Variants in DOCK3 observed in about 807,000 individuals in gnomAD.
The protein encoded by DOCK3 is dedicator of cytokinesis 3.
In DOCK3, 60 loss-of-function variants were observed where a neutral mutation model predicts 265.6. The ratio of observed to expected loss-of-function variants is 0.23; its 90% confidence interval spans 0.18 to 0.28. DOCK3 has a LOEUF of 0.28. Ranked by LOEUF, DOCK3 falls within the 10% of genes least tolerant of loss-of-function variation. DOCK3 has a pLI of 1.00. For missense variants in DOCK3, 1,981 were observed against 2,594.3 expected (o/e 0.76, Z 5.14); for synonymous variants, 881 against 938.0 (o/e 0.94, Z 1.11).
chr3:50,845,500 A>G (rs2046037567), intron 3 of DOCK3, among the ~76,000 whole-genome samples: 1 of 152,154 alleles, frequency 6.6e-6, no homozygotes, highest in South Asian at 2.1e-4. Context: ...ATATTCATGG[A>G]ATAGTAAATA....
chr3:51,228,275 G>A (rs1373954656), intron 17 of DOCK3, among the ~76,000 whole-genome samples, 187 bp downstream of exon 17: 1 of 152,230 alleles, frequency 6.6e-6, no homozygotes, highest in Non-Finnish European at 1.5e-5. Flanking sequence ...CCTCCCACAA[G>A]TAACGCCAAC....
intron 32 of DOCK3, among the ~76,000 whole-genome samples, chr3:51,328,337 G>A (rs1030132564): frequency 6.6e-6 from 1 of 152,034 alleles, no homozygotes; most frequent in African/African-American, 2.4e-5. Context: ...AATCAGGCCC[G>A]TCTCTTGGGG....
chr3:51,364,940 T>G (rs923384903), intron 49 of DOCK3, among the ~76,000 whole-genome samples: 5 of 152,380 alleles, frequency 3.3e-5, no homozygotes, highest in South Asian at 2.1e-4. Context: ...TTGTTCTTTT[T>G]GCTTAGGATT....
At chr3:51,102,014 A>G (rs1418187786) in intron 9 of DOCK3, among the ~76,000 whole-genome samples, 4 of 152,246 alleles carry the variant, frequency 2.6e-5, no homozygotes, top group Admixed American at 1.3e-4. Flanking sequence ...ACTTCTTTTA[A>G]AAAGTTTTGT....
chr3:51,192,080 C>A (rs529336312), intron 12 of DOCK3, among the ~76,000 whole-genome samples: 12 of 151,076 alleles, frequency 7.9e-5, no homozygotes, highest in Non-Finnish European at 1.6e-4. Context: ...TGTGCAGAAG[C>A]TTTTTAGTTT....
intron 23 of DOCK3, among the ~76,000 whole-genome samples, chr3:51,263,952 C>A (rs963541987): frequency 1.3e-5 from 2 of 152,076 alleles, no homozygotes; most frequent in Non-Finnish European, 2.9e-5. Flanking sequence ...ACTTAGACTC[C>A]CACAGAATAA....
intron 4 of DOCK3, among the ~76,000 whole-genome samples, chr3:50,908,197 C>CTTT (rs550837883): frequency 4.9e-4 from 56 of 114,430 alleles, no homozygotes; most frequent in Admixed American, 1.5e-3. Flanking sequence ...TTTTGAAGGG[C>CTTT]TTTTTTTTTT....
chr3:51,159,310 G>A lies in DOCK3; in HGVS notation c.889+6G>A. 6.2e-7 allele frequency: 1 copy of A among 1,610,828 alleles called. No individual in the cohort carries two copies. The highest frequency in any genetic ancestry group is 8.5e-7 in the Non-Finnish European group (1 of 1,177,914). ...TGCCCATGTGATCCGAATAGGTACT[G>A]TTCACCTTACCCATTCACATGACTA... On this transcript the variant is annotated splice_donor_region_variant and intron_variant, in intron 11 of 52. Transcript: ENST00000266037.
At chr3:51,288,427 G>A (rs2081535107) in intron 27 of DOCK3, among the ~76,000 whole-genome samples, 1 of 150,096 alleles carries the variant, frequency 6.7e-6, no homozygotes, top group Admixed American at 6.6e-5. Context: ...GAGAACAACA[G>A]ACATCAGGGC....
intron 2 of DOCK3, among the ~76,000 whole-genome samples, chr3:50,804,564 C>T (rs899911779): frequency 1.3e-5 from 2 of 152,142 alleles, no homozygotes; most frequent in African/African-American, 2.4e-5. Context: ...CGGCGAAACC[C>T]CATCTCCACC....
chr3:51,042,465 ACATACTGAATGGGCACCAT>A (rs1247729901), intron 5 of DOCK3, among the ~76,000 whole-genome samples: 1 of 152,158 alleles, frequency 6.6e-6, no homozygotes, highest in East Asian at 1.9e-4. Context: ...TGACAAACCC[ACATACTGAATGGGCACCAT>A]CATACTGAAT....
intron 2 of DOCK3, among the ~76,000 whole-genome samples, chr3:50,788,558 G>A (rs888284716): frequency 3.9e-5 from 6 of 152,164 alleles, no homozygotes; most frequent in African/African-American, 7.2e-5. Context: ...CACCTCCACC[G>A]CCTAGATCAA....
At chr3:51,053,384 T>C (rs1280439278) in intron 5 of DOCK3, among the ~76,000 whole-genome samples, 1 of 151,468 alleles carries the variant, frequency 6.6e-6, no homozygotes. Flanking sequence ...CATACATACT[T>C]TTCCCTTCCC....
At chr3:51,312,349 A>G in intron 29 of DOCK3, 127 bp from the exon 30 acceptor site, 1 of 958,708 alleles carries the variant, frequency 1.0e-6, no homozygotes. Flanking sequence ...AAGATATTTA[A>G]AAGGGAAAAA....
intron 5 of DOCK3, among the ~76,000 whole-genome samples, chr3:50,963,928 C>G (rs1302033848): frequency 6.6e-6 from 1 of 152,204 alleles, no homozygotes; most frequent in Non-Finnish European, 1.5e-5. Flanking sequence ...AAGGTATCCT[C>G]TGTGTATTCA....
At chr3:50,989,366 G>A (rs942224661) in intron 5 of DOCK3, among the ~76,000 whole-genome samples, 5 of 152,164 alleles carry the variant, frequency 3.3e-5, no homozygotes, top group African/African-American at 9.7e-5. Flanking sequence ...ACCAAGTCAC[G>A]ATGTACAGCT....
intron 2 of DOCK3, among the ~76,000 whole-genome samples, chr3:50,810,594 G>A (rs571852510): frequency 3.9e-5 from 6 of 151,942 alleles, no homozygotes; most frequent in South Asian, 4.2e-4. Context: ...GCACACTTAC[G>A]GATGTTACAT....
At chr3:50,978,971 C>A (rs902831219) in intron 5 of DOCK3, among the ~76,000 whole-genome samples, 1 of 152,226 alleles carries the variant, frequency 6.6e-6, no homozygotes, top group African/African-American at 2.4e-5. Context: ...CCTTGCGCTT[C>A]CCGAGTGAGG....
intron 4 of DOCK3, among the ~76,000 whole-genome samples, chr3:50,907,742 C>G (rs781748397): frequency 8.6e-5 from 13 of 152,026 alleles, no homozygotes; most frequent in Non-Finnish European, 1.6e-4. Context: ...GAGCATTTAG[C>G]CCATTTACAT....
Sources: gnomAD v4.1 joint callset for allele counts (sites outside exome capture counted in the v4.1 genomes callset) on GRCh38, gnomAD v4.1.1 for gene constraint, MANE v1.5 for transcripts, NCBI Gene and HGNC (gene_info 2026-07-23, HGNC 2026-07-21) for gene names.